Variants in C3orf20 observed in about 807,000 individuals in gnomAD.
C3orf20 encodes family with sequence similarity 149 member C.
In C3orf20, 76 loss-of-function variants were observed where a neutral mutation model predicts 88.3. That is an observed-to-expected ratio of 0.86 (90% confidence interval 0.72 to 1.04). The LOEUF is 1.04. Among genes scored for constraint, C3orf20 ranks in the 50% least tolerant of loss-of-function variants. The pLI, the probability that C3orf20 is intolerant of heterozygous loss-of-function variation, is 0.00. For missense variants in C3orf20, 1,056 were observed against 1,123.3 expected (o/e 0.94, Z 0.86); for synonymous variants, 436 against 437.4 (o/e 1.00, Z 0.04).
At chr3:14,725,893 G>T (rs1420151684) in intron 10 of C3orf20, among the ~76,000 whole-genome samples, 1 of 151,796 alleles carries the variant, frequency 6.6e-6, no homozygotes, top group Admixed American at 6.6e-5. Flanking sequence ...AAATGACCAG[G>T]ACCCAGGGCA....
rs1294441560 is a variant in C3orf20, at chr3:14,741,738, G to C, written c.1940+13050G>C. On this transcript the variant is annotated intron_variant, in intron 12 of 16. Coordinates refer to ENST00000253697, the MANE Select transcript of C3orf20 (RefSeq NM_032137.5). The stretch of plus-strand genomic sequence containing the variant: ...GTGTTACAGCTCTGGCAGTGTTACA[G>C]CTCTGTGACTGCTCCTGCAGAGCAG... Among the ~76,000 whole-genome samples, 5 of 152,354 alleles carry C rather than the reference G, an allele frequency of 3.3e-5. No individual in the cohort carries two copies. The East Asian group carries it at 9.6e-4, about 29-fold the overall frequency.
chr3:14,704,664 C>T (rs2033425273), intron 7 of C3orf20, 46 bp downstream of exon 7: 1 of 1,593,058 alleles, frequency 6.3e-7, no homozygotes, highest in African/African-American at 1.3e-5. Flanking sequence ...CTACTCAACC[C>T]CAGAGAAGTC....
intron 7 of C3orf20, among the ~76,000 whole-genome samples, chr3:14,711,021 G>A (rs979306233): frequency 6.6e-6 from 1 of 151,926 alleles, no homozygotes; most frequent in East Asian, 1.9e-4. Flanking sequence ...AGCCTCCTGA[G>A]TAGCTGGGAT....
chr3:14,749,079 A>G (rs1270324860), intron 12 of C3orf20, among the ~76,000 whole-genome samples: 3 of 152,004 alleles, frequency 2.0e-5, no homozygotes, highest in Admixed American at 6.5e-5. Flanking sequence ...AGAATTGCCT[A>G]TTTCTTCCTT....
At position 14,689,843 on chromosome 3, in the gene C3orf20, ATCT is replaced by A. The variant is rs905055651; in HGVS notation, c.626-148_626-146del. ...AATTGCTCTGCCGGTGCATTGCAAAATCTTCTTCCAAGATCTAGGTGTTTTGTA... is the reference window on the plus strand; with the variant it reads ...AATTGCTCTGCCGGTGCATTGCAAAATCTTCCAAGATCTAGGTGTTTTGTA... On this transcript the variant is annotated intron_variant, in intron 4 of 16. Coordinates refer to ENST00000253697, the MANE Select transcript of C3orf20 (RefSeq NM_032137.5). Among the ~76,000 whole-genome samples, 49 of 152,288 alleles carry A rather than the reference ATCT, an allele frequency of 3.2e-4. 1 individual carries two copies. Among genetic ancestry groups the A allele is most frequent in the Admixed American group, 2.5e-3 (38 of 15,304 alleles).
chr3:14,719,973 A>C (rs991750924), intron 9 of C3orf20, among the ~76,000 whole-genome samples: 1 of 152,170 alleles, frequency 6.6e-6, no homozygotes, highest in Admixed American at 6.5e-5. Flanking sequence ...TCTCTCTAGA[A>C]GGAGGACAAG....
At chr3:14,756,976 C>T (rs551197603) in intron 12 of C3orf20, among the ~76,000 whole-genome samples, 1 of 152,116 alleles carries the variant, frequency 6.6e-6, no homozygotes, top group South Asian at 2.1e-4. Context: ...GGCAGCCAGG[C>T]AAGAATGAAG....
intron 7 of C3orf20, among the ~76,000 whole-genome samples, chr3:14,711,793 T>C (rs1022142920): frequency 2.0e-5 from 3 of 152,086 alleles, no homozygotes; most frequent in Non-Finnish European, 4.4e-5. Context: ...TCTATTTCTG[T>C]TTAAATTGCT....
At position 14,685,439 on chromosome 3, in the gene C3orf20, C is replaced by CCTCTCTCTCTCTCTCTCTGTTT. The variant is rs1553609376; in HGVS notation, c.625+1076_625+1097dup. The stretch of plus-strand genomic sequence containing the variant: ...TTGTTGCTTTTTTCTCACCCAGTGA[C>CCTCTCTCTCTCTCTCTCTGTTT]CTCTCTCTCTCTCTCTCTGTTTCTC... On this transcript the variant is annotated intron_variant, in intron 4 of 16. Coordinates refer to ENST00000253697, the MANE Select transcript of C3orf20 (RefSeq NM_032137.5). 2.7e-3 allele frequency among the ~76,000 whole-genome samples: 376 copies of CCTCTCTCTCTCTCTCTCTGTTT among 137,164 alleles called. 1 individual carries two copies. Among genetic ancestry groups the CCTCTCTCTCTCTCTCTCTGTTT allele is most frequent in the African/African-American group, 0.01 (359 of 35,656 alleles). The allele number at this position is 137,164 out of a possible 152,430, so 90.0% of individuals were successfully genotyped here. A position where few individuals can be genotyped will look rare whatever the true frequency, so the allele number is the denominator to read the frequency against.
At chr3:14,716,612 C>G (rs2033950222) in intron 9 of C3orf20, among the ~76,000 whole-genome samples, 1 of 152,224 alleles carries the variant, frequency 6.6e-6, no homozygotes, top group South Asian at 2.1e-4. Flanking sequence ...AATGCACCCC[C>G]TCCTCTCTTT....
intron 12 of C3orf20, among the ~76,000 whole-genome samples, chr3:14,729,650 G>A (rs1055697052): frequency 6.6e-6 from 1 of 152,100 alleles, no homozygotes; most frequent in African/African-American, 2.4e-5. Flanking sequence ...AGGTTCAAGC[G>A]ATTCTCCTGC....
rs564524718 is a variant in C3orf20, at chr3:14,703,324, T to C, written c.878+62T>C. 1.6e-5 allele frequency: 25 copies of C among 1,606,778 alleles called. No homozygotes were observed. In the South Asian group the frequency reaches 2.4e-4, roughly 16 times the overall value. ...GTTCTCAGAAAGCCTGGCCCCCAGC[T>C]GGGAGTCCCTGTGTATATGTGAGTG... is the stretch of plus-strand genomic sequence containing the variant. On this transcript the variant is annotated intron_variant, in intron 6 of 16. Transcript: ENST00000253697.
At chr3:14,696,471 A>G (rs1575101152) in intron 5 of C3orf20, among the ~76,000 whole-genome samples, 1 of 151,374 alleles carries the variant, frequency 6.6e-6, no homozygotes, top group Non-Finnish European at 1.5e-5. Context: ...GCTGACTGCA[A>G]CCTCTTTCTA....
At chr3:14,686,493 C>T (rs1164241184) in intron 4 of C3orf20, among the ~76,000 whole-genome samples, 1 of 152,194 alleles carries the variant, frequency 6.6e-6, no homozygotes, top group Non-Finnish European at 1.5e-5. Context: ...GTTGCCAGCA[C>T]TTGTTAGCTT....
chr3:14,744,275 A>G (rs958209398), intron 12 of C3orf20, among the ~76,000 whole-genome samples: 2 of 151,966 alleles, frequency 1.3e-5, no homozygotes, highest in African/African-American at 4.8e-5. Flanking sequence ...GCAAAATGCT[A>G]CCAGTCTCTT....
intron 15 of C3orf20, among the ~76,000 whole-genome samples, chr3:14,766,025 C>T (rs1239541376): frequency 6.6e-6 from 1 of 152,344 alleles, no homozygotes; most frequent in African/African-American, 2.4e-5. Flanking sequence ...GGGGAGTCTG[C>T]AGGGCCTCTG....
At chr3:14,770,696 G>A (rs2035837998) in intron 15 of C3orf20, among the ~76,000 whole-genome samples, 1 of 152,156 alleles carries the variant, frequency 6.6e-6, no homozygotes, top group Admixed American at 6.5e-5. Flanking sequence ...CTCAGGGCCG[G>A]ACGCATAGTA....
intron 5 of C3orf20, among the ~76,000 whole-genome samples, chr3:14,691,881 T>C (rs1487693889): frequency 6.6e-6 from 1 of 152,126 alleles, no homozygotes; most frequent in Non-Finnish European, 1.5e-5. Flanking sequence ...TTTGTATCCA[T>C]TAGCCCTCCC....
chr3:14,722,594 G>GC (rs1482534330), intron 10 of C3orf20: 3 of 456,254 alleles, frequency 6.6e-6, no homozygotes, highest in African/African-American at 2.0e-5. Context: ...CCTCTGCTCA[G>GC]CCCCCCTGGC....
Sources: allele counts gnomAD v4.1 joint callset (sites outside exome capture counted in the v4.1 genomes callset), GRCh38; gene constraint gnomAD v4.1.1; transcripts MANE v1.5; gene names NCBI Gene and HGNC (gene_info 2026-07-23, HGNC 2026-07-21).